Variants in AGBL1 observed in about 807,000 individuals in gnomAD.
The protein encoded by AGBL1 is cytosolic carboxypeptidase 4.
In AGBL1, 130 loss-of-function variants were observed where a neutral mutation model predicts 118.9. That is an observed-to-expected ratio of 1.09 (90% CI 0.95 to 1.26). The LOEUF (loss-of-function observed/expected upper bound fraction) is 1.26. Among genes scored for constraint, AGBL1 ranks in the 50% most tolerant of loss-of-function variants. The pLI is 0.00. For synonymous variants in AGBL1, 555 were observed against 478.9 expected (o/e 1.16, Z -2.08); for missense variants, 1,584 against 1,298.1 (o/e 1.22, Z -3.38).
chr15:87,016,721 T>C (rs2081610761), intron 24 of AGBL1, among the ~76,000 whole-genome samples: 1 of 151,906 alleles, frequency 6.6e-6, no homozygotes, highest in Non-Finnish European at 1.5e-5. Flanking sequence ...ATGGCCCACC[T>C]AGGAGTGGCA....
At chr15:86,223,139 G>C (rs753736843) in intron 5 of AGBL1, among the ~76,000 whole-genome samples, 1 of 152,014 alleles carries the variant, frequency 6.6e-6, no homozygotes, top group African/African-American at 2.4e-5. Context: ...TTATTCTCCT[G>C]ACTGGTCTAT....
chr15:86,264,309 G>A lies in AGBL1; in HGVS notation c.1138G>A (p.Ala380Thr), dbSNP rs1323531616. 3 of 1,610,336 alleles carry A rather than the reference G, an allele frequency of 1.9e-6. No homozygotes were observed. Among genetic ancestry groups the A allele is most frequent in the Non-Finnish European group, 2.5e-6 (3 of 1,178,278 alleles). The change falls in exon 11 of 23, where the codon GCC becomes ACC. Residue 380 changes from alanine to threonine, a missense_variant. Transcript: ENST00000614907. Reference sequence around the variant, plus strand: ...TTTGAACTCTGAAAAGACTCAGTATGCCAATCACCACCACATTCCAGCCGC... The same window carrying A: ...TTTGAACTCTGAAAAGACTCAGTATACCAATCACCACCACATTCCAGCCGC... ...DDLNSEKTQY[A>T]NHHHIPAAAS...
chr15:86,735,842 C>T (rs917419445), intron 22 of AGBL1, among the ~76,000 whole-genome samples: 1 of 152,010 alleles, frequency 6.6e-6, no homozygotes, highest in African/African-American at 2.4e-5. Flanking sequence ...TAAACAGTAG[C>T]AGGGGTGCCG....
intron 18 of AGBL1, among the ~76,000 whole-genome samples, chr15:86,444,289 C>T (rs892296255): frequency 4.6e-5 from 7 of 152,180 alleles, no homozygotes; most frequent in Non-Finnish European, 1.0e-4. Flanking sequence ...TTTCCTCATT[C>T]CGCTTTTCTT....
intron 21 of AGBL1, among the ~76,000 whole-genome samples, chr15:86,585,297 T>C (rs2084229116): frequency 6.6e-6 from 1 of 152,164 alleles, no homozygotes; most frequent in Non-Finnish European, 1.5e-5. Flanking sequence ...GAAGATAGAA[T>C]GCTGGCCAAA....
At chr15:86,283,320 T>C (rs1364814533) in intron 16 of AGBL1, among the ~76,000 whole-genome samples, 1 of 152,144 alleles carries the variant, frequency 6.6e-6, no homozygotes, top group Non-Finnish European at 1.5e-5. Context: ...TGAGAACTTA[T>C]AACTGTATGA....
At chr15:86,790,911 A>G (rs1221723306) in intron 22 of AGBL1, among the ~76,000 whole-genome samples, 1 of 152,212 alleles carries the variant, frequency 6.6e-6, no homozygotes, top group Non-Finnish European at 1.5e-5. Context: ...CACTAAAACA[A>G]GAATAATAAT....
intron 24 of AGBL1, among the ~76,000 whole-genome samples, chr15:87,001,748 T>C (rs949912678): frequency 2.6e-5 from 4 of 152,132 alleles, no homozygotes; most frequent in Non-Finnish European, 5.9e-5. Flanking sequence ...AAGCATTTTT[T>C]CATGTGTCTG....
intron 1 of AGBL1, among the ~76,000 whole-genome samples, chr15:86,115,632 G>T (rs1004981522): frequency 2.6e-5 from 4 of 152,264 alleles, no homozygotes; most frequent in African/African-American, 9.6e-5. Flanking sequence ...GAGGACTACT[G>T]CTCCTCTTCA....
At chr15:86,439,312 G>T (rs1012044107) in intron 18 of AGBL1, among the ~76,000 whole-genome samples, 3 of 152,018 alleles carry the variant, frequency 2.0e-5, no homozygotes, top group African/African-American at 7.3e-5. Context: ...AACTCCAGCC[G>T]GTATAATTAC....
chr15:86,864,459 T>A (rs1191139280), intron 22 of AGBL1, among the ~76,000 whole-genome samples: 1 of 152,208 alleles, frequency 6.6e-6, no homozygotes, highest in Non-Finnish European at 1.5e-5. Flanking sequence ...AGAATTTTAA[T>A]ACCTTCATGT....
chr15:86,167,578 T>G (rs1027566762), intron 5 of AGBL1, among the ~76,000 whole-genome samples: 1 of 152,194 alleles, frequency 6.6e-6, no homozygotes, highest in Admixed American at 6.5e-5. Flanking sequence ...AATTCTAAAT[T>G]CTTCAGGGAT....
At chr15:86,103,441 G>A (rs1231889576) in intron 1 of AGBL1, among the ~76,000 whole-genome samples, 1 of 152,026 alleles carries the variant, frequency 6.6e-6, no homozygotes, top group Non-Finnish European at 1.5e-5. Flanking sequence ...TTGTCCTTAT[G>A]TTGATATCTG....
chr15:86,816,864 T>C (rs2078864532), intron 22 of AGBL1, among the ~76,000 whole-genome samples: 1 of 152,162 alleles, frequency 6.6e-6, no homozygotes, highest in African/African-American at 2.4e-5. Context: ...ATATTTTTTT[T>C]CCTTAGGTCA....
chr15:86,994,309 C>A (rs201941310), intron 24 of AGBL1, among the ~76,000 whole-genome samples: 4,290 of 134,378 alleles, frequency 0.032, 174 homozygotes, highest in African/African-American at 0.13. Flanking sequence ...ATCTCTCTCT[C>A]TCTATATATA....
chr15:86,607,821 G>C (rs1230894042), intron 21 of AGBL1, among the ~76,000 whole-genome samples: 1 of 152,116 alleles, frequency 6.6e-6, no homozygotes, highest in Non-Finnish European at 1.5e-5. Flanking sequence ...GTCTCAAGGG[G>C]AATGTGCTAT....
intron 18 of AGBL1, among the ~76,000 whole-genome samples, chr15:86,426,852 C>T (rs1019415121): frequency 3.9e-5 from 6 of 152,242 alleles, no homozygotes; most frequent in African/African-American, 9.6e-5. Flanking sequence ...CTGCAACCTC[C>T]GCCTCCCTTT....
At chr15:86,427,214 A>C (rs1442353661) in intron 18 of AGBL1, among the ~76,000 whole-genome samples, 1 of 152,244 alleles carries the variant, frequency 6.6e-6, no homozygotes, top group African/African-American at 2.4e-5. Context: ...GGAGGGAAAA[A>C]GAGGAACAGT....
chr15:86,964,782 A>AC (rs1238233767), intron 23 of AGBL1, among the ~76,000 whole-genome samples: 2 of 149,706 alleles, frequency 1.3e-5, no homozygotes, highest in Admixed American at 6.7e-5. Context: ...TCCCTCCCCT[A>AC]CCCCCCAACC....
Sources: gnomAD v4.1 joint callset for allele counts (sites outside exome capture counted in the v4.1 genomes callset) on GRCh38, gnomAD v4.1.1 for gene constraint, MANE v1.5 for transcripts, NCBI Gene and HGNC (gene_info 2026-07-23, HGNC 2026-07-21) for gene names.